Variants in MMD2 observed in about 807,000 individuals in gnomAD.
MMD2 encodes the protein monocyte to macrophage differentiation associated 2.
A neutral mutation model predicts 33.5 loss-of-function variants in MMD2; 30 were observed. The ratio of observed to expected loss-of-function variants is 0.90; its 90% CI spans 0.67 to 1.22. MMD2 has a LOEUF of 1.22. Among genes scored for constraint, MMD2 ranks in the 50% most tolerant of loss-of-function variants. The pLI is 0.00. For missense variants in MMD2, 364 were observed against 325.4 expected (o/e 1.12, Z -0.91); for synonymous variants, 129 against 123.0 (o/e 1.05, Z -0.32).
chr7:4,904,477 T>G (rs181122525), downstream of MMD2, among the ~76,000 whole-genome samples: 14 of 152,074 alleles, frequency 9.2e-5, no homozygotes, highest in Admixed American at 2.6e-4. Flanking sequence ...GGGGAGGAAA[T>G]GTGGCCAAAG....
Position 4,959,006 on chromosome 7 carries a change from G to T in MMD2, c.12C>A (p.Pro4=). 1 of 1,273,700 alleles carries T rather than the reference G, an allele frequency of 7.9e-7. No homozygotes were observed. The highest frequency in any genetic ancestry group is 1.0e-6 in the Non-Finnish European group (1 of 1,002,076). The allele number at this position is 1,273,700 out of a possible 1,614,324, so 78.9% of individuals were successfully genotyped here. A position where few individuals can be genotyped will look rare whatever the true frequency, so the allele number is the denominator to read the frequency against. Residue 4 remains proline, a synonymous_variant, in exon 1 of 7, where the codon CCC becomes CCA. Transcript: ENST00000401401. The part of the protein sequence containing the change: MFA[P]RLLDFQKTKY... ...TCGTCTTCTGGAAATCCAGCAGCCG[G>T]GGGGCGAACATCGCGGCGCTTCCAT...
intron 4 of MMD2, among the ~76,000 whole-genome samples, chr7:4,913,065 T>C (rs1263370005): frequency 6.6e-6 from 1 of 152,154 alleles, no homozygotes; most frequent in African/African-American, 2.4e-5. Context: ...AGTGACCTGC[T>C]TGGAGTCTGT....
At chr7:4,904,153 G>C (rs893675541), downstream of MMD2, among the ~76,000 whole-genome samples, 1 of 152,046 alleles carries the variant, frequency 6.6e-6, no homozygotes, top group Admixed American at 6.5e-5. Flanking sequence ...GGCTGGTCTC[G>C]AACTCCTGAC....
intron 1 of MMD2, among the ~76,000 whole-genome samples, chr7:4,931,985 G>A (rs1785601095): frequency 6.6e-6 from 1 of 152,140 alleles, no homozygotes; most frequent in Non-Finnish European, 1.5e-5. Context: ...GTTTGCACTG[G>A]TCTCCAAGGT....
intron 1 of MMD2, among the ~76,000 whole-genome samples, chr7:4,942,782 TTTTG>T (rs1199328328): frequency 2.6e-5 from 4 of 151,070 alleles, no homozygotes; most frequent in African/African-American, 7.3e-5. Context: ...CACCCGGCTT[TTTTG>T]TTTGTTTTTT....
At chr7:4,957,990 T>C (rs150606722) in intron 1 of MMD2, among the ~76,000 whole-genome samples, 5 of 152,290 alleles carry the variant, frequency 3.3e-5, no homozygotes, top group African/African-American at 1.2e-4. Context: ...GCCACACTGA[T>C]GTGAGTAGGA....
rs566110866 is a variant in MMD2, at chr7:4,907,194, C to A, written c.*202G>T. 8.5e-6 allele frequency: 5 copies of A among 585,462 alleles called. No homozygotes were observed. In the South Asian group the frequency reaches 1.0e-4, roughly 12 times the overall value. 36.3% of individuals were successfully genotyped at this position (585,462 alleles called of 1,614,324 possible). A position where few individuals can be genotyped will look rare whatever the true frequency, so the allele number is the denominator to read the frequency against. Reference sequence around the variant, plus strand: ...TAGAAACACATTACAGGGTTAATTTCTCCTCTGTAAGAATGGCTAAATGCT... The same window carrying A: ...TAGAAACACATTACAGGGTTAATTTATCCTCTGTAAGAATGGCTAAATGCT... On this transcript the variant is annotated 3_prime_UTR_variant, in exon 7 of 7. Transcript: ENST00000401401.
intron 1 of MMD2, among the ~76,000 whole-genome samples, chr7:4,931,175 T>C (rs992962120): frequency 6.6e-6 from 1 of 151,922 alleles, no homozygotes; most frequent in African/African-American, 2.4e-5. Context: ...TTGTTTTTGT[T>C]TTTTTGAGAA....
At position 4,916,185 on chromosome 7, in the gene MMD2, G is replaced by T. The variant is rs1315584075; in HGVS notation, c.291-106C>A. ...GATCGTGCCTGCCTACAGGTTAGCA[G>T]GGCTGGGCTCCTCTGTCCAGCCAAG... On this transcript the variant is annotated intron_variant, in intron 3 of 6. Transcript: ENST00000401401. 16 of 1,017,176 alleles carry T rather than the reference G, an allele frequency of 1.6e-5. No individual in the cohort carries two copies. In the East Asian group the frequency reaches 4.1e-4, roughly 26 times the overall value. The allele number at this position is 1,017,176 out of a possible 1,614,324, so 63.0% of individuals were successfully genotyped here.
At chr7:4,896,919 G>A in the MMD2 span, among the ~76,000 whole-genome samples, 287 of 151,838 alleles carry the variant, frequency 1.9e-3, no homozygotes, top group African/African-American at 6.6e-3. Flanking sequence ...GAGTGTAGTG[G>A]CCCAGTCTCA....
At chr7:4,899,857 G>A in the MMD2 span, among the ~76,000 whole-genome samples, 6 of 152,132 alleles carry the variant, frequency 3.9e-5, no homozygotes, top group Admixed American at 3.3e-4. Context: ...AACCCATAAG[G>A]GCTGCTGGCC....
chr7:4,907,624 C>G (rs1381256424), intron 6 of MMD2, 25 bp from the exon 7 acceptor site: 1 of 1,610,952 alleles, frequency 6.2e-7, no homozygotes, highest in Non-Finnish European at 8.5e-7. Flanking sequence ...AAGGGTGGGG[C>G]ACAGGTCAGA....
At chr7:4,900,016 C>A in the MMD2 span, among the ~76,000 whole-genome samples, 1 of 152,228 alleles carries the variant, frequency 6.6e-6, no homozygotes, top group East Asian at 1.9e-4. Flanking sequence ...GTCTGAGCAA[C>A]CTTGGTGTCC....
At chr7:4,896,973 C>T in the MMD2 span, among the ~76,000 whole-genome samples, 1 of 152,036 alleles carries the variant, frequency 6.6e-6, no homozygotes, top group South Asian at 2.1e-4. Context: ...GATTCTCCTG[C>T]CTCAGCCTCT....
At chr7:4,902,212 A>G (rs1784804321), downstream of MMD2, among the ~76,000 whole-genome samples, 1 of 152,202 alleles carries the variant, frequency 6.6e-6, no homozygotes. Flanking sequence ...TTGGCCTCCC[A>G]AAGTGCTGGG....
Position 4,908,002 on chromosome 7 carries a change from A to T in MMD2, c.538-403T>A, listed in dbSNP as rs78848992. ...TTATTTTATTTTTGGAGATGGGGGCATCTCACTATATTGCCCAGGCTGGTC... is the reference window on the plus strand; with the variant it reads ...TTATTTTATTTTTGGAGATGGGGGCTTCTCACTATATTGCCCAGGCTGGTC... On this transcript the variant is annotated intron_variant, in intron 6 of 6. Transcript: ENST00000401401. 2.0e-5 allele frequency among the ~76,000 whole-genome samples: 3 copies of T among 151,788 alleles called. No individual in the cohort carries two copies. In the South Asian group the frequency reaches 6.2e-4, roughly 32 times the overall value.
chr7:4,952,191 A>G (rs1048360074), intron 1 of MMD2, among the ~76,000 whole-genome samples: 7 of 152,204 alleles, frequency 4.6e-5, no homozygotes, highest in African/African-American at 1.7e-4. Context: ...AGCGGCTTGC[A>G]GTCTGGCTGG....
At chr7:4,938,419 T>C (rs567565088) in intron 1 of MMD2, among the ~76,000 whole-genome samples, 1 of 152,184 alleles carries the variant, frequency 6.6e-6, no homozygotes, top group African/African-American at 2.4e-5. Flanking sequence ...CGAGGCAGTG[T>C]GGGGCATCCC....
chr7:4,893,846 G>T, the MMD2 span, among the ~76,000 whole-genome samples: 2 of 152,148 alleles, frequency 1.3e-5, no homozygotes, highest in South Asian at 4.1e-4. Context: ...CTGTCATGAT[G>T]CCAGTGGGAG....
Sources: allele counts gnomAD v4.1 joint callset (sites outside exome capture counted in the v4.1 genomes callset), GRCh38; gene constraint gnomAD v4.1.1; transcripts MANE v1.5; gene names NCBI Gene and HGNC (gene_info 2026-07-23, HGNC 2026-07-21).